CNTNAP2: variants seen among roughly 807,000 people sequenced by gnomAD.
The protein encoded by CNTNAP2 is contactin associated protein 2.
Under a neutral mutation model 155.2 loss-of-function variants are expected in CNTNAP2, and 98 were observed. That is an observed-to-expected ratio of 0.63 (90% CI 0.54 to 0.75). CNTNAP2 has a LOEUF of 0.75. CNTNAP2 is among the 30% of genes least tolerant of loss of function. CNTNAP2 has a pLI of 0.00. For missense variants in CNTNAP2, 1,727 were observed against 1,688.1 expected, an observed-to-expected ratio of 1.02 and a Z score of -0.40; for synonymous variants, 651 against 631.2, an observed-to-expected ratio of 1.03 and a Z score of -0.47.
intron 1 of CNTNAP2, among the ~76,000 whole-genome samples, chr7:146,351,899 C>T (rs775739285): frequency 6.6e-6 from 1 of 152,168 alleles, no homozygotes; most frequent in Non-Finnish European, 1.5e-5. Context: ...AGTCCAGTCT[C>T]TATTGCTCTC....
chr7:146,227,922 C>T (rs921330927), intron 1 of CNTNAP2, among the ~76,000 whole-genome samples: 2 of 152,196 alleles, frequency 1.3e-5, no homozygotes, highest in African/African-American at 2.4e-5. Context: ...TATTTTAACA[C>T]TGACATACTT....
chr7:146,281,383 G>T (rs2129084939), intron 1 of CNTNAP2, among the ~76,000 whole-genome samples: 1 of 152,190 alleles, frequency 6.6e-6, no homozygotes, highest in East Asian at 1.9e-4. Flanking sequence ...TACTTTCCTG[G>T]CATTTCTGAA....
Position 146,966,110 on chromosome 7 carries a change from A to G in CNTNAP2, c.403-77797A>G, listed in dbSNP as rs534622774. On this transcript the variant is annotated intron_variant, in intron 3 of 23. Transcript: ENST00000361727. ...CCTCTCTAGTTGGGTCTAATAATGG[A>G]AACGTAAATTATTTGGGATTGTCAT... is the stretch of plus-strand genomic sequence containing the variant. Among the ~76,000 whole-genome samples the G allele has an allele frequency of 2.0e-4, 30 of 152,298 alleles. No homozygotes were observed. In the South Asian group the frequency reaches 2.9e-3, roughly 15 times the overall value.
intron 18 of CNTNAP2, among the ~76,000 whole-genome samples, chr7:148,207,880 G>A (rs1235484912): frequency 2.0e-5 from 3 of 151,974 alleles, no homozygotes; most frequent in Non-Finnish European, 4.4e-5. Context: ...GGCGGATCAC[G>A]AGGTCAGGAG....
intron 13 of CNTNAP2, among the ~76,000 whole-genome samples, chr7:147,774,396 A>G (rs1797526057): frequency 1.3e-5 from 2 of 152,192 alleles, no homozygotes; most frequent in Admixed American, 1.3e-4. Flanking sequence ...GACAGATATG[A>G]CAACATGGTT....
intron 10 of CNTNAP2, among the ~76,000 whole-genome samples, chr7:147,443,789 C>A (rs575318130): frequency 6.6e-6 from 1 of 152,138 alleles, no homozygotes; most frequent in African/African-American, 2.4e-5. Context: ...TCACATTTAC[C>A]AATCCTAAAA....
chr7:146,585,409 C>G (rs1003584311), intron 1 of CNTNAP2, among the ~76,000 whole-genome samples: 6 of 152,102 alleles, frequency 3.9e-5, no homozygotes, highest in African/African-American at 1.4e-4. Context: ...TGTGAGCTAC[C>G]GCACCCGGCC....
intron 8 of CNTNAP2, among the ~76,000 whole-genome samples, chr7:147,282,493 AAC>A (rs1246160639): frequency 6.6e-6 from 1 of 151,822 alleles, no homozygotes; most frequent in East Asian, 1.9e-4. Context: ...TCAAGAGTTA[AAC>A]ATTAGGCTAT....
intron 8 of CNTNAP2, among the ~76,000 whole-genome samples, chr7:147,288,142 T>C (rs1370445738): frequency 6.6e-6 from 1 of 152,194 alleles, no homozygotes; most frequent in Non-Finnish European, 1.5e-5. Context: ...TCCTTCAGGC[T>C]TCAGATTTAC....
At chr7:146,389,859 G>A (rs994291933) in intron 1 of CNTNAP2, among the ~76,000 whole-genome samples, 1 of 151,454 alleles carries the variant, frequency 6.6e-6, no homozygotes, top group Admixed American at 6.6e-5. Context: ...CCACTACCAC[G>A]CCCAGCTAAA....
chr7:148,053,068 T>TAAA (rs1408711291), intron 15 of CNTNAP2, among the ~76,000 whole-genome samples: 3 of 151,666 alleles, frequency 2.0e-5, no homozygotes, highest in African/African-American at 7.3e-5. Context: ...AAACATCACC[T>TAAA]AAAAAAAAGT....
chr7:146,886,635 T>C (rs1000504045), intron 3 of CNTNAP2, among the ~76,000 whole-genome samples: 1 of 151,948 alleles, frequency 6.6e-6, no homozygotes, highest in African/African-American at 2.4e-5. Context: ...TTTTTAGGCA[T>C]TTCAAATTTT....
intron 20 of CNTNAP2, among the ~76,000 whole-genome samples, chr7:148,259,001 C>A (rs1464657490): frequency 6.6e-6 from 1 of 151,426 alleles, no homozygotes; most frequent in Non-Finnish European, 1.5e-5. Flanking sequence ...CATGGTGAAA[C>A]CCCATCTCTA....
chr7:146,840,390 G>T (rs1803697690), intron 3 of CNTNAP2, among the ~76,000 whole-genome samples: 1 of 152,120 alleles, frequency 6.6e-6, no homozygotes, highest in African/African-American at 2.4e-5. Context: ...TATTATGAAA[G>T]AAGAGAATAA....
At chr7:146,241,601 A>G (rs1032529373) in intron 1 of CNTNAP2, among the ~76,000 whole-genome samples, 1 of 132,962 alleles carries the variant, frequency 7.5e-6, no homozygotes, top group Non-Finnish European at 1.5e-5. Flanking sequence ...TAAGTCATTA[A>G]TGTGACATTT....
intron 12 of CNTNAP2, among the ~76,000 whole-genome samples, chr7:147,582,460 G>A (rs2116828838): frequency 6.6e-6 from 1 of 152,138 alleles, no homozygotes; most frequent in East Asian, 1.9e-4. Flanking sequence ...TGATACATAT[G>A]AAAATGTTTC....
intron 7 of CNTNAP2, among the ~76,000 whole-genome samples, chr7:147,130,752 A>G (rs1407764052): frequency 6.6e-6 from 1 of 152,054 alleles, no homozygotes; most frequent in African/African-American, 2.4e-5. Context: ...CCACATACTC[A>G]TTCCCTCATT....
At chr7:147,907,632 C>G (rs1226654747) in intron 14 of CNTNAP2, among the ~76,000 whole-genome samples, 2 of 151,966 alleles carry the variant, frequency 1.3e-5, no homozygotes, top group Admixed American at 1.3e-4. Context: ...GGCTTTTAAC[C>G]TCTCTGAAAT....
At chr7:147,168,996 A>G (rs1802175412) in intron 8 of CNTNAP2, among the ~76,000 whole-genome samples, 1 of 152,200 alleles carries the variant, frequency 6.6e-6, no homozygotes, top group Admixed American at 6.6e-5. Context: ...CAGATTAAAC[A>G]ATGCAAAGCA....
Sources: gnomAD v4.1 joint callset for allele counts (sites outside exome capture counted in the v4.1 genomes callset) on GRCh38, gnomAD v4.1.1 for gene constraint, MANE v1.5 for transcripts, NCBI Gene and HGNC (gene_info 2026-07-23, HGNC 2026-07-21) for gene names.